EGFL6: variants seen among roughly 807,000 people sequenced by gnomAD.
EGFL6 encodes epidermal growth factor-like protein 6.
EGFL6 carries 42 observed loss-of-function variants against 43.1 expected under a neutral mutation model. The ratio of observed to expected loss-of-function variants is 0.98; its 90% CI spans 0.76 to 1.26. The LOEUF (loss-of-function observed/expected upper bound fraction) is 1.26. Ranked by LOEUF, EGFL6 falls within the 50% of genes most tolerant of loss-of-function variation. The pLI is 0.00. For synonymous variants in EGFL6, 164 were observed against 163.2 expected (o/e 1.01, Z -0.04); for missense variants, 429 against 427.8 (o/e 1.00, Z -0.02).
intron 2 of EGFL6, among the ~76,000 whole-genome samples, chrX:13,590,962 G>C (rs750888130): frequency 8.1e-5 from 9 of 111,772 alleles, no homozygotes; most frequent in Non-Finnish European, 1.3e-4. Flanking sequence ...CCTTGGGCAA[G>C]CTAGCTAAGG....
chrX:13,608,582 T>C, intron 7 of EGFL6, 136 bp downstream of exon 7: 2 of 786,559 alleles, frequency 2.5e-6, no homozygotes, highest in Non-Finnish European at 3.6e-6. Flanking sequence ...TCTGTGTGTG[T>C]GTGCAGTGTT....
At position 13,619,452 on chromosome X, in the gene EGFL6, C is replaced by T. The variant is rs1267438944; in HGVS notation, c.1183+209C>T. ...ATGATTGAAATATAGTAAGGCTATT[C>T]TCTTCTCCCCGCCACTCCCACCTGA... On this transcript the variant is annotated intron_variant, in intron 9 of 11. Transcript: ENST00000361306. 6.3e-5 allele frequency among the ~76,000 whole-genome samples: 7 copies of T among 110,919 alleles called. No homozygotes were observed. In the East Asian group the frequency reaches 2.0e-3, roughly 31 times the overall value.
intron 7 of EGFL6, among the ~76,000 whole-genome samples, chrX:13,609,709 G>A (rs372340365): frequency 5.4e-5 from 6 of 111,079 alleles, no homozygotes; most frequent in African/African-American, 1.6e-4. Flanking sequence ...AGCCGAGATC[G>A]CACCACTGCA....
Position 13,629,950 on chromosome X carries a change from A to G in EGFL6, c.1551+2674A>G, listed in dbSNP as rs146124044. 9.5e-3 allele frequency among the ~76,000 whole-genome samples: 1,065 copies of G among 111,991 alleles called. 6 individuals are homozygous for G. Among genetic ancestry groups the G allele is most frequent in the African/African-American group, 0.032 (990 of 30,800 alleles). ...ACCTACGTGGCCCTTGAAGTCACTC[A>G]TCTCTTCAACTTCCATGCCAGGCCC... is the stretch of plus-strand genomic sequence containing the variant. On this transcript the variant is annotated intron_variant, in intron 11 of 11. Transcript: ENST00000361306.
intron 1 of EGFL6, among the ~76,000 whole-genome samples, chrX:13,588,872 A>G (rs1033728266): frequency 8.9e-6 from 1 of 112,266 alleles, no homozygotes; most frequent in African/African-American, 3.2e-5. Context: ...CAGATATCTT[A>G]TGGCCCTACA....
Position 13,603,345 on chromosome X carries a change from T to A in EGFL6, c.429T>A (p.Cys143Ter), listed in dbSNP as rs766045844. 8.3e-7 allele frequency: 1 copy of A among 1,209,464 alleles called. No individual in the cohort carries two copies. The highest frequency in any genetic ancestry group is 1.1e-6 in the Non-Finnish European group (1 of 894,396). Residue 143 changes from cysteine (C) to a stop codon, truncating the protein, a stop_gained, in exon 5 of 12, where the codon TGT (cysteine) becomes TGA (stop). Transcript: ENST00000361306. LOFTEE classifies it high-confidence loss of function. Reference sequence around the variant, plus strand: ...CTAGGACATGTGCCATGATAAACTGTCAGTACAGCTGTGAAGACACAGAAG... The same window carrying A: ...CTAGGACATGTGCCATGATAAACTGACAGTACAGCTGTGAAGACACAGAAG... Reference protein sequence around the residue: ...VNSRTCAMINCQYSCEDTEEG... With the variant: ...VNSRTCAMIN
At position 13,606,606 on chromosome X, in the gene EGFL6, A is replaced by T; in HGVS notation, c.655+93A>T. 3 of 1,008,574 alleles carry T rather than the reference A, an allele frequency of 3.0e-6. No individual in the cohort carries two copies. The South Asian group carries it at 6.5e-5, about 22-fold the overall frequency. The allele number at this position is 1,008,574 out of a possible 1,213,427, so 83.1% of individuals were successfully genotyped here. ...TATTTTGATGTCAATTCAAGCTATTAGTTGAACAATCTACTGTGCTGACCA... is the reference window on the plus strand; with the variant it reads ...TATTTTGATGTCAATTCAAGCTATTTGTTGAACAATCTACTGTGCTGACCA... On this transcript the variant is annotated intron_variant, in intron 6 of 11. Coordinates refer to ENST00000361306, the MANE Select transcript of EGFL6 (RefSeq NM_015507.4).
Position 13,618,029 on chromosome X carries a change from C to T in EGFL6, c.1078C>T (p.Arg360Ter), listed in dbSNP as rs2045729158. ...AGCCCTGAAGAATGACATAGAGGAG[C>T]GAAGCCTGCGAGGAGATGTGTTTTG... ...EKALKNDIEE[R>*]SLRGDVFFPK... The change falls in exon 8 of 12, where the codon CGA becomes TGA. Residue 360 changes from arginine to a stop codon, truncating the protein, a stop_gained. Transcript: ENST00000361306. LOFTEE classifies it high-confidence loss of function. 2 of 1,197,188 alleles carry T rather than the reference C, an allele frequency of 1.7e-6. No individual in the cohort carries two copies. The highest frequency in any genetic ancestry group is 1.8e-5 in the South Asian group (1 of 54,059).
Position 13,606,449 on chromosome X carries a change from C to A in EGFL6, c.591C>A (p.Ser197Arg). ...YNRRCVNTFG[S>R]YYCKCHIGFE... ...GAAGATGTGTGAACACATTTGGAAG[C>A]TACTACTGCAAATGTCACATTGGTT... Residue 197 changes from serine (S) to arginine (R), a missense_variant, in exon 6 of 12, where the codon AGC becomes AGA. By Grantham distance (110) the Ser-to-Arg change is moderately radical. Transcript: ENST00000361306. 2.5e-6 allele frequency: 3 copies of A among 1,208,983 alleles called. No homozygotes were observed. The highest frequency in any genetic ancestry group is 3.4e-6 in the Non-Finnish European group (3 of 892,858).
chrX:13,606,526 G>A lies in EGFL6; in HGVS notation c.655+13G>A. Reference sequence around the variant, plus strand: ...TATGACTGTATAGGTAAGATTCGATGGCACCTTTTCCTTTTTTTCCTGTCC... The same window carrying A: ...TATGACTGTATAGGTAAGATTCGATAGCACCTTTTCCTTTTTTTCCTGTCC... On this transcript the variant is annotated intron_variant, in intron 6 of 11. Transcript: ENST00000361306. 8.3e-7 allele frequency: 1 copy of A among 1,206,080 alleles called. No homozygotes were observed. The highest frequency in any genetic ancestry group is 1.1e-6 in the Non-Finnish European group (1 of 892,220).
chrX:13,628,815 AC>A (rs66595306), intron 11 of EGFL6, among the ~76,000 whole-genome samples: 22,800 of 110,991 alleles, frequency 0.21, 3,307 homozygotes, highest in African/African-American at 0.52. Flanking sequence ...CTCAAAAAAA[AC>A]CCCGAAAAAA....
intron 4 of EGFL6, among the ~76,000 whole-genome samples, chrX:13,600,303 T>C (rs2045626699): frequency 1.1e-5 from 1 of 94,215 alleles, no homozygotes; most frequent in Admixed American, 1.2e-4. Flanking sequence ...TTTTTTTTTT[T>C]TGAGACAGAG....
chrX:13,602,703 T>C (rs746601586), intron 4 of EGFL6, among the ~76,000 whole-genome samples: 28 of 112,274 alleles, frequency 2.5e-4, no homozygotes, highest in Non-Finnish European at 4.7e-4. Context: ...CTTATTTTTG[T>C]ATCTCTTTGG....
At chrX:13,605,343 TG>T (rs1478573561) in intron 5 of EGFL6, among the ~76,000 whole-genome samples, 4 of 109,755 alleles carry the variant, frequency 3.6e-5, no homozygotes, top group Non-Finnish European at 7.6e-5. Flanking sequence ...GAGGCTGAGG[TG>T]GGAGGATAGC....
chrX:13,630,699 A>G (rs1464625663), intron 11 of EGFL6, among the ~76,000 whole-genome samples: 1 of 112,429 alleles, frequency 8.9e-6, no homozygotes, highest in African/African-American at 3.2e-5. Flanking sequence ...GAGCAGTCAT[A>G]GACCCTTGTC....
intron 1 of EGFL6, among the ~76,000 whole-genome samples, chrX:13,580,304 A>G (rs938400495): frequency 1.8e-5 from 2 of 111,604 alleles, no homozygotes; most frequent in African/African-American, 6.5e-5. Flanking sequence ...ATCTATATGT[A>G]TATTCATGTC....
At chrX:13,600,567 G>A (rs1307188735) in intron 4 of EGFL6, among the ~76,000 whole-genome samples, 8 of 107,641 alleles carry the variant, frequency 7.4e-5, no homozygotes, top group Admixed American at 4.0e-4. Flanking sequence ...GATTACAGGC[G>A]TGAGCCACCA....
At chrX:13,583,239 C>T (rs2045517662) in intron 1 of EGFL6, among the ~76,000 whole-genome samples, 1 of 110,902 alleles carries the variant, frequency 9.0e-6, no homozygotes, top group Non-Finnish European at 1.9e-5. Context: ...CTGTCCTTGG[C>T]ACAGGCTATT....
chrX:13,573,363 TGTA>T (rs2045453298), intron 1 of EGFL6, among the ~76,000 whole-genome samples: 1 of 112,194 alleles, frequency 8.9e-6, no homozygotes, highest in South Asian at 3.7e-4. Flanking sequence ...TTCTTCAAGC[TGTA>T]ATTTGTGAGA....
Sources: allele counts gnomAD v4.1 joint callset (sites outside exome capture counted in the v4.1 genomes callset), GRCh38; gene constraint gnomAD v4.1.1; transcripts MANE v1.5; gene names NCBI Gene and HGNC (gene_info 2026-07-23, HGNC 2026-07-21).